PDGFA: variants seen among roughly 807,000 people sequenced by gnomAD.
PDGFA encodes the protein platelet derived growth factor subunit A, also known as platelet-derived growth factor subunit A.
PDGFA carries 9 observed loss-of-function variants against 25.6 expected under a neutral mutation model. That is an observed-to-expected ratio of 0.35 (90% CI 0.21 to 0.61). PDGFA has a LOEUF of 0.61. Among genes scored for constraint, PDGFA ranks in the 20% least tolerant of loss-of-function variants. The probability of loss-of-function intolerance (pLI) is 0.75; values close to 1 mark genes in which losing one functional copy is unlikely to be tolerated. For missense variants in PDGFA, 242 were observed against 272.8 expected, an observed-to-expected ratio of 0.89 and a Z score of 0.79; for synonymous variants, 133 against 111.8, an observed-to-expected ratio of 1.19 and a Z score of -1.20.
intron 4 of PDGFA, among the ~76,000 whole-genome samples, chr7:510,525 C>T (rs145024464): frequency 0.026 from 2,879 of 109,890 alleles, 33 homozygotes; most frequent in Middle Eastern, 0.12. Flanking sequence ...CTCACCTTGA[C>T]GCTGCGGTGG....
chr7:505,167 G>A (rs1162599032), intron 4 of PDGFA, among the ~76,000 whole-genome samples: 1 of 152,160 alleles, frequency 6.6e-6, no homozygotes, highest in Non-Finnish European at 1.5e-5. Flanking sequence ...CATAAAAGAA[G>A]GCCAAGTCCA....
chr7:514,438 C>T (rs1782996190), intron 2 of PDGFA, among the ~76,000 whole-genome samples: 1 of 152,208 alleles, frequency 6.6e-6, no homozygotes, highest in Non-Finnish European at 1.5e-5. Flanking sequence ...CCACCCTTTG[C>T]TCCCAGCTCA....
At chr7:519,709 G>T (rs1783284203), upstream of PDGFA, among the ~76,000 whole-genome samples, 1 of 145,674 alleles carries the variant, frequency 6.9e-6, no homozygotes, top group African/African-American at 2.5e-5. Flanking sequence ...GGGCCTCGCT[G>T]CGCCGCCCGC....
In PDGFA at chr7:507,989, C is replaced by T. The variant is rs564899606; in HGVS notation, c.453+2820G>A. On this transcript the variant is annotated intron_variant, in intron 4 of 5. Transcript: ENST00000402802. Reference sequence around the variant, plus strand: ...GGGCTTCAAAAGGGGAGTGAGTGGCCTTGGAGATCCCGGGTAGTAAGATGT... The same window carrying T: ...GGGCTTCAAAAGGGGAGTGAGTGGCTTTGGAGATCCCGGGTAGTAAGATGT... Among the ~76,000 whole-genome samples the T allele has an allele frequency of 5.9e-5, 9 of 152,276 alleles. No individual in the cohort carries two copies. In the East Asian group the frequency reaches 1.7e-3, roughly 29 times the overall value.
chr7:507,616 A>C (rs1257357464), intron 4 of PDGFA, among the ~76,000 whole-genome samples: 1 of 152,142 alleles, frequency 6.6e-6, no homozygotes, highest in Non-Finnish European at 1.5e-5. Flanking sequence ...CTCTCCCCGT[A>C]CCTCCAAGCC....
exon 4 of PDGFA, chr7:510,952 C>G: frequency 6.2e-7 from 1 of 1,612,858 alleles, no homozygotes; most frequent in Non-Finnish European, 8.5e-7. Flanking sequence ...CGAGGAATCT[C>G]GTAAATGACC....
chr7:514,900 T>TG (rs1783020543), intron 2 of PDGFA, among the ~76,000 whole-genome samples: 1 of 152,186 alleles, frequency 6.6e-6, no homozygotes, highest in East Asian at 1.9e-4. Flanking sequence ...ATGAAACGCT[T>TG]GGGCTCCGGG....
Position 500,091 on chromosome 7 carries a change from G to A in PDGFA, c.580+1025C>T, listed in dbSNP as rs762787060. 1.2e-4 allele frequency among the ~76,000 whole-genome samples: 18 copies of A among 152,226 alleles called. No individual in the cohort carries two copies. The highest frequency in any genetic ancestry group is 1.9e-4 in the Non-Finnish European group (13 of 68,040). Reference sequence around the variant, plus strand: ...TTTTCATCTGTCAAATGGGGTGGGTGATCCCAGAGTGGCCAGGCGCTCAGA... The same window carrying A: ...TTTTCATCTGTCAAATGGGGTGGGTAATCCCAGAGTGGCCAGGCGCTCAGA... On this transcript the variant is annotated intron_variant, in intron 5 of 5. Coordinates refer to ENST00000402802, the Ensembl canonical transcript of PDGFA. The surrounding 1 kb of genome is among the most constrained non-coding windows in gnomAD (Gnocchi z 5.0).
At chr7:504,912 A>G (rs1782495445) in intron 4 of PDGFA, among the ~76,000 whole-genome samples, 1 of 152,178 alleles carries the variant, frequency 6.6e-6, no homozygotes. Flanking sequence ...CTCCCAGGAC[A>G]CAACAGAAAT....
Position 500,163 on chromosome 7 carries a change from C to T in PDGFA, c.580+953G>A, listed in dbSNP as rs141915742. Among the ~76,000 whole-genome samples, 2,684 of 152,298 alleles carry T rather than the reference C, an allele frequency of 0.018. 97 individuals carry two copies. Among genetic ancestry groups the T allele is most frequent in the African/African-American group, 0.062 (2,566 of 41,554 alleles). ...TCGCCCAACCTGTTCCATTCATGTG[C>T]AATGCTCCTGCATCCCCAATCAACG... On this transcript the variant is annotated intron_variant, in intron 5 of 5. Transcript: ENST00000402802. The surrounding 1 kb of genome is among the most constrained non-coding windows in gnomAD (Gnocchi z 5.0).
At chr7:505,458 G>A (rs1420767154) in intron 4 of PDGFA, among the ~76,000 whole-genome samples, 1 of 152,230 alleles carries the variant, frequency 6.6e-6, no homozygotes, top group Non-Finnish European at 1.5e-5. Context: ...AGTCCCTACT[G>A]CTACAAAGCC....
chr7:511,951 C>T (rs534842406), intron 3 of PDGFA, among the ~76,000 whole-genome samples: 133 of 152,302 alleles, frequency 8.7e-4, no homozygotes, highest in African/African-American at 2.3e-3. Flanking sequence ...GTTCAGCAGC[C>T]GGCGCAGGAG....
intron 4 of PDGFA, 107 bp downstream of exon 4, chr7:510,702 G>C (rs1662321861): frequency 5.9e-6 from 3 of 505,178 alleles, no homozygotes; most frequent in South Asian, 4.0e-5. Context: ...CCCCGGGCTT[G>C]GGTGGGGAGG....
At chr7:504,078 C>T (rs1470051720) in intron 4 of PDGFA, among the ~76,000 whole-genome samples, 1 of 152,160 alleles carries the variant, frequency 6.6e-6, no homozygotes, top group African/African-American at 2.4e-5. Context: ...CACACCCACC[C>T]AGGAGTTGAG....
chr7:516,048 C>A (rs1224615727), intron 2 of PDGFA, among the ~76,000 whole-genome samples: 4 of 70,558 alleles, frequency 5.7e-5, no homozygotes, highest in Admixed American at 1.6e-4. Context: ...CAGCCCCCCC[C>A]CCCCACTTTT....
intron 5 of PDGFA, among the ~76,000 whole-genome samples, chr7:499,019 T>C (rs9719210): frequency 0.38 from 57,591 of 152,120 alleles, 12,036 homozygotes; most frequent in South Asian, 0.52. Context: ...ATGCTGATCG[T>C]TTAAGAACAA....
intron 5 of PDGFA, among the ~76,000 whole-genome samples, chr7:499,992 C>T (rs1425034138): frequency 1.3e-5 from 2 of 152,130 alleles, no homozygotes; most frequent in African/African-American, 4.8e-5. Flanking sequence ...AACAGCCCTG[C>T]ACGTTTATAA....
intron 3 of PDGFA, among the ~76,000 whole-genome samples, chr7:512,122 G>C (rs1039178041): frequency 1.3e-5 from 2 of 152,200 alleles, no homozygotes; most frequent in African/African-American, 4.8e-5. Flanking sequence ...AGGAGCAGGC[G>C]GGCTGGGGCA....
exon 5 of PDGFA, chr7:501,148 C>G: frequency 6.2e-7 from 1 of 1,614,244 alleles, no homozygotes; most frequent in Non-Finnish European, 8.5e-7. Flanking sequence ...CGGATTCAGG[C>G]TTGTGGTCGC....
Sources: allele counts gnomAD v4.1 joint callset (sites outside exome capture counted in the v4.1 genomes callset), GRCh38; gene constraint gnomAD v4.1.1; non-coding constraint Gnocchi (gnomAD v3.1); transcripts MANE v1.5; gene names NCBI Gene and HGNC (gene_info 2026-07-23, HGNC 2026-07-21).